SCMH1: variants seen among roughly 807,000 people sequenced by gnomAD.
SCMH1 encodes Scm polycomb group protein homolog 1.
In SCMH1, 37 loss-of-function variants were observed where a neutral mutation model predicts 70.8. The ratio of observed to expected loss-of-function variants is 0.52; its 90% CI spans 0.40 to 0.69. The LOEUF is 0.69. SCMH1 is among the 30% of genes least tolerant of loss of function. SCMH1 has a pLI of 0.00. For missense variants in SCMH1, 607 were observed against 827.3 expected (o/e 0.73, Z 3.27); for synonymous variants, 292 against 307.4 (o/e 0.95, Z 0.52).
chr1:41,152,514 G>C (rs1240395287), intron 4 of SCMH1: 43 of 1,408,554 alleles, frequency 3.1e-5, no homozygotes, highest in Middle Eastern at 3.8e-4. Flanking sequence ...AGGAACATTT[G>C]ATACAGACCT....
intron 2 of SCMH1, among the ~76,000 whole-genome samples, chr1:41,177,609 C>T (rs1186847596): frequency 1.3e-5 from 2 of 152,078 alleles, no homozygotes; most frequent in African/African-American, 2.4e-5. Context: ...CCTCAGTAGC[C>T]GATTTGATCA....
chr1:41,118,321 A>C (rs1671056253), intron 6 of SCMH1, among the ~76,000 whole-genome samples: 1 of 152,172 alleles, frequency 6.6e-6, no homozygotes, highest in Non-Finnish European at 1.5e-5. Flanking sequence ...ATGCCTAGAA[A>C]ACTTTCTAGG....
chr1:41,049,446 T>C (rs1246223994), intron 10 of SCMH1, among the ~76,000 whole-genome samples: 1 of 151,318 alleles, frequency 6.6e-6, no homozygotes, highest in Non-Finnish European at 1.5e-5. Context: ...CCAAAGAATA[T>C]AATAAAAATT....
chr1:41,065,053 A>G (rs1201661511), intron 10 of SCMH1, among the ~76,000 whole-genome samples: 1 of 152,252 alleles, frequency 6.6e-6, no homozygotes, highest in African/African-American at 2.4e-5. Context: ...GAAACGTAAA[A>G]AGAACTAAGT....
intron 2 of SCMH1, among the ~76,000 whole-genome samples, chr1:41,175,633 T>C (rs1647065352): frequency 1.3e-5 from 2 of 152,160 alleles, no homozygotes; most frequent in African/African-American, 4.8e-5. Context: ...GGACCTCCAA[T>C]AGCTTCATAC....
intron 8 of SCMH1, among the ~76,000 whole-genome samples, chr1:41,086,060 C>T (rs550771418): frequency 2.6e-5 from 4 of 152,068 alleles, no homozygotes; most frequent in Admixed American, 2.0e-4. Context: ...AGGATGGTCT[C>T]GATCTCCTGA....
exon 11 of SCMH1, chr1:41,048,751 A>C (rs755732244): frequency 1.9e-6 from 3 of 1,614,064 alleles, no homozygotes; most frequent in Non-Finnish European, 2.5e-6. Context: ...TCTGGTGATA[A>C]GCACAGTCGA....
chr1:41,181,771 C>T (rs958020988), intron 2 of SCMH1, among the ~76,000 whole-genome samples: 2 of 152,138 alleles, frequency 1.3e-5, no homozygotes, highest in African/African-American at 4.8e-5. Context: ...CTAGTTCAAC[C>T]CTTGTGGAAG....
chr1:41,132,907 G>A (rs1372386112), intron 6 of SCMH1, among the ~76,000 whole-genome samples: 2 of 152,126 alleles, frequency 1.3e-5, no homozygotes, highest in African/African-American at 4.8e-5. Flanking sequence ...CTATATATCT[G>A]TTTTGGTACC....
At chr1:41,173,557 T>G (rs1318126353) in intron 2 of SCMH1, among the ~76,000 whole-genome samples, 1 of 152,088 alleles carries the variant, frequency 6.6e-6, no homozygotes, top group Admixed American at 6.6e-5. Flanking sequence ...AGGATGAAGG[T>G]TCCTCAAAAA....
intron 5 of SCMH1, among the ~76,000 whole-genome samples, chr1:41,146,237 A>C (rs1030317298): frequency 1.3e-5 from 2 of 152,166 alleles, no homozygotes; most frequent in African/African-American, 4.8e-5. Context: ...AAAAAATTAA[A>C]AATTATTTTT....
At chr1:41,077,811 T>C (rs574489599) in intron 8 of SCMH1, among the ~76,000 whole-genome samples, 1 of 152,324 alleles carries the variant, frequency 6.6e-6, no homozygotes, top group Admixed American at 6.5e-5. Flanking sequence ...TCATGGAAGA[T>C]ACCAGTTGGA....
At chr1:41,058,103 A>G (rs983198117) in intron 10 of SCMH1, among the ~76,000 whole-genome samples, 2 of 149,042 alleles carry the variant, frequency 1.3e-5, no homozygotes, top group East Asian at 4.0e-4. Flanking sequence ...CCTGAGAGAC[A>G]GAGGGAGATT....
intron 1 of SCMH1, among the ~76,000 whole-genome samples, chr1:41,223,700 A>C (rs1659721833): frequency 6.6e-6 from 1 of 152,120 alleles, no homozygotes. Context: ...GCCATCTTTA[A>C]TTCTCAGTGG....
In SCMH1 at chr1:41,058,378, G is replaced by GTTTTTTTTTTTTTTTTTT. The variant is rs548733204; in HGVS notation, c.1106-9506_1106-9489dup. Among the ~76,000 whole-genome samples, 25 of 81,638 alleles carry GTTTTTTTTTTTTTTTTTT rather than the reference G, an allele frequency of 3.1e-4. 3 individuals are homozygous for GTTTTTTTTTTTTTTTTTT. The highest frequency in any genetic ancestry group is 4.0e-4 in the African/African-American group (8 of 19,798). 53.6% of individuals were successfully genotyped at this position (81,638 alleles called of 152,430 possible). ...TTAGTATTTATACATTTTCTTTCTT[G>GTTTTTTTTTTTTTTTTTT]TTTTTTTTTTTTTTTTTTTTTTGAG... On this transcript the variant is annotated intron_variant, in intron 10 of 14. Transcript: ENST00000337495.
chr1:41,076,254 G>C, intron 8 of SCMH1, among the ~76,000 whole-genome samples: 1 of 152,098 alleles, frequency 6.6e-6, no homozygotes, highest in East Asian at 1.9e-4. Context: ...TCCTTATTGA[G>C]GACTTCTCTG....
intron 13 of SCMH1, among the ~76,000 whole-genome samples, chr1:41,030,037 G>A (rs1423295843): frequency 1.3e-5 from 2 of 152,084 alleles, no homozygotes; most frequent in African/African-American, 4.8e-5. Context: ...AACAAAGCAA[G>A]AACCCCATCT....
At chr1:41,168,308 A>G (rs1412399900) in intron 2 of SCMH1, among the ~76,000 whole-genome samples, 1 of 152,158 alleles carries the variant, frequency 6.6e-6, no homozygotes, top group East Asian at 1.9e-4. Flanking sequence ...CTCATAAACT[A>G]TCTTTAAACT....
At chr1:41,073,720 C>T (rs902980494) in intron 9 of SCMH1, among the ~76,000 whole-genome samples, 2 of 151,688 alleles carry the variant, frequency 1.3e-5, no homozygotes, top group Non-Finnish European at 2.9e-5. Context: ...GAATATTTCC[C>T]AAGAGACTGA....
Sources: gnomAD v4.1 joint callset for allele counts (sites outside exome capture counted in the v4.1 genomes callset) on GRCh38, gnomAD v4.1.1 for gene constraint, MANE v1.5 for transcripts, NCBI Gene and HGNC (gene_info 2026-07-23, HGNC 2026-07-21) for gene names.